The following MAPK10 variants were observed in gnomAD, a reference collection of about 807,000 sequenced individuals.
MAPK10 encodes mitogen-activated protein kinase 10.
MAPK10 carries 25 observed loss-of-function variants against 59.3 expected under a neutral mutation model. That is an observed-to-expected ratio of 0.42 (90% CI 0.31 to 0.59). MAPK10 has a LOEUF of 0.59. Among genes scored for constraint, MAPK10 ranks in the 20% least tolerant of loss-of-function variants. The probability of loss-of-function intolerance (pLI) is 0.15; values close to 1 mark genes in which losing one functional copy is unlikely to be tolerated. For synonymous variants in MAPK10, 190 were observed against 200.5 expected (o/e 0.95, Z 0.44); for missense variants, 351 against 568.9 (o/e 0.62, Z 3.90).
At chr4:86,044,090 C>G (rs1215944276) in intron 11 of MAPK10, among the ~76,000 whole-genome samples, 2 of 152,132 alleles carry the variant, frequency 1.3e-5, no homozygotes, top group African/African-American at 4.8e-5. Context: ...GACTTTATCT[C>G]TAGCTGACGG....
At chr4:86,484,471 C>A in intron 1 of MAPK10, among the ~76,000 whole-genome samples, 1 of 152,152 alleles carries the variant, frequency 6.6e-6, no homozygotes, top group Non-Finnish European at 1.5e-5. Context: ...TGGAGGCCAA[C>A]TGACTAGGCT....
At chr4:86,587,408 T>C (rs936663772) in intron 1 of MAPK10, among the ~76,000 whole-genome samples, 9 of 152,228 alleles carry the variant, frequency 5.9e-5, no homozygotes, top group Admixed American at 4.6e-4. Flanking sequence ...TCCTATCTGG[T>C]TTCTATCACT....
At chr4:86,252,138 T>C (rs1563618151) in intron 2 of MAPK10, among the ~76,000 whole-genome samples, 1 of 124,032 alleles carries the variant, frequency 8.1e-6, no homozygotes, top group Non-Finnish European at 1.6e-5. Context: ...TTCACTCTGA[T>C]GGTAGTTTCT....
intron 1 of MAPK10, among the ~76,000 whole-genome samples, chr4:86,561,562 T>G (rs1370776030): frequency 6.6e-6 from 1 of 152,178 alleles, no homozygotes; most frequent in Non-Finnish European, 1.5e-5. Flanking sequence ...ACTATTCTGG[T>G]GTTATTGAGA....
chr4:86,316,724 G>A (rs1280612626), intron 2 of MAPK10, among the ~76,000 whole-genome samples: 1 of 152,152 alleles, frequency 6.6e-6, no homozygotes, highest in East Asian at 1.9e-4. Context: ...GACAGAGATT[G>A]TTCCAGGGGC....
At chr4:86,477,750 G>A (rs1753227695) in intron 1 of MAPK10, among the ~76,000 whole-genome samples, 1 of 152,044 alleles carries the variant, frequency 6.6e-6, no homozygotes, top group Non-Finnish European at 1.5e-5. Context: ...AAATTGTTTT[G>A]CCTATCCACC....
chr4:86,033,367 G>A (rs981221316), intron 11 of MAPK10, among the ~76,000 whole-genome samples: 3 of 152,172 alleles, frequency 2.0e-5, no homozygotes, highest in African/African-American at 7.2e-5. Flanking sequence ...AGCCCCCAGA[G>A]CCCTCTGAGC....
intron 2 of MAPK10, among the ~76,000 whole-genome samples, chr4:86,305,428 T>C (rs2095549713): frequency 6.6e-6 from 1 of 152,220 alleles, no homozygotes; most frequent in Non-Finnish European, 1.5e-5. Context: ...ATGATAGTCA[T>C]GTACTAGAAT....
intron 1 of MAPK10, among the ~76,000 whole-genome samples, chr4:86,508,018 T>A (rs1381371689): frequency 6.6e-6 from 1 of 152,052 alleles, no homozygotes. Flanking sequence ...TAACCAAAAA[T>A]AATTATCTCA....
At chr4:86,353,746 G>T (rs986961342) in intron 2 of MAPK10, among the ~76,000 whole-genome samples, 4 of 152,246 alleles carry the variant, frequency 2.6e-5, no homozygotes, top group African/African-American at 9.6e-5. Context: ...ATGAAAGAAA[G>T]ATATTGATCA....
intron 3 of MAPK10, among the ~76,000 whole-genome samples, chr4:86,168,754 GCCT>G (rs1562589341): frequency 6.6e-6 from 1 of 152,190 alleles, no homozygotes; most frequent in Admixed American, 6.5e-5. Context: ...CGGGCAGACT[GCCT>G]CCTCAAGTGG....
chr4:86,085,524 A>G (rs2051600242), intron 9 of MAPK10, among the ~76,000 whole-genome samples: 1 of 152,216 alleles, frequency 6.6e-6, no homozygotes, highest in East Asian at 1.9e-4. Flanking sequence ...CATCAGAGAA[A>G]TGCAAATCAA....
intron 1 of MAPK10, among the ~76,000 whole-genome samples, chr4:86,446,869 A>G (rs955728813): frequency 5.3e-5 from 8 of 151,962 alleles, no homozygotes; most frequent in Non-Finnish European, 1.0e-4. Flanking sequence ...ACCTGTTCAT[A>G]TCTTTATTTT....
intron 4 of MAPK10, among the ~76,000 whole-genome samples, chr4:86,122,221 A>T (rs1415607908): frequency 6.6e-6 from 1 of 152,174 alleles, no homozygotes; most frequent in East Asian, 1.9e-4. Flanking sequence ...TGGTAGAAAA[A>T]GACTTTCTGG....
rs1743961257 is a variant in MAPK10, at chr4:86,017,638, C to T, written c.1253-268G>A. On this transcript the variant is annotated intron_variant, in intron 13 of 13. Transcript: ENST00000641462. This position sits in a 1 kb window ranked among gnomAD's most constrained non-coding sequence, Gnocchi z 4.4. ...ACTTTCTATTAAAAAACACTAATATCTGGTCACATTGCCTCCCCTGCCCCC... is the reference window on the plus strand; with the variant it reads ...ACTTTCTATTAAAAAACACTAATATTTGGTCACATTGCCTCCCCTGCCCCC... Among the ~76,000 whole-genome samples, 1 of 152,192 alleles carries T rather than the reference C, an allele frequency of 6.6e-6. No individual in the cohort carries two copies. The highest frequency in any genetic ancestry group is 1.5e-5 in the Non-Finnish European group (1 of 68,028).
At chr4:86,093,832 A>C (rs574519704) in intron 9 of MAPK10, among the ~76,000 whole-genome samples, 1 of 152,018 alleles carries the variant, frequency 6.6e-6, no homozygotes, top group African/African-American at 2.4e-5. Context: ...TAGCAGGCAC[A>C]CTAGTGGTAA....
intron 1 of MAPK10, among the ~76,000 whole-genome samples, chr4:86,528,095 G>A (rs1757603092): frequency 6.6e-6 from 1 of 152,036 alleles, no homozygotes; most frequent in African/African-American, 2.4e-5. Context: ...CCAAACCTTA[G>A]CACCACACAA....
chr4:86,523,177 T>G (rs925821573), intron 1 of MAPK10, among the ~76,000 whole-genome samples: 2 of 152,244 alleles, frequency 1.3e-5, no homozygotes, highest in Admixed American at 6.5e-5. Flanking sequence ...TATCTCTAGC[T>G]ATTTATTCAA....
At chr4:86,310,308 T>C (rs1275653621) in intron 2 of MAPK10, among the ~76,000 whole-genome samples, 1 of 152,158 alleles carries the variant, frequency 6.6e-6, no homozygotes, top group African/African-American at 2.4e-5. Flanking sequence ...ATCCTAAATC[T>C]TGGCAAAATA....
Sources: gnomAD v4.1 joint callset for allele counts (sites outside exome capture counted in the v4.1 genomes callset) on GRCh38, gnomAD v4.1.1 for gene constraint, Gnocchi (gnomAD v3.1) non-coding constraint, MANE v1.5 for transcripts, NCBI Gene and HGNC (gene_info 2026-07-23, HGNC 2026-07-21) for gene names.